The following CNTN4 variants were observed in gnomAD, a reference collection of about 807,000 sequenced individuals.
CNTN4 encodes contactin-4.
Under a neutral mutation model 122.5 loss-of-function variants are expected in CNTN4, and 77 were observed. The observed-to-expected ratio is 0.63, with a 90% CI of 0.52 to 0.76. The LOEUF is 0.76. CNTN4 is among the 30% of genes least tolerant of loss of function. The probability of loss-of-function intolerance (pLI) is 0.00; values close to 1 mark genes in which losing one functional copy is unlikely to be tolerated. For missense variants in CNTN4, 1,256 were observed against 1,259.1 expected, an observed-to-expected ratio of 1.00 and a Z score of 0.04; for synonymous variants, 512 against 447.0, an observed-to-expected ratio of 1.15 and a Z score of -1.83.
chr3:2,500,601 C>T (rs1241319236), intron 3 of CNTN4, among the ~76,000 whole-genome samples: 1 of 152,086 alleles, frequency 6.6e-6, no homozygotes, highest in Non-Finnish European at 1.5e-5. Flanking sequence ...TGGGTATCCA[C>T]TGGTACACTA....
At chr3:2,714,995 C>G (rs965947815) in intron 4 of CNTN4, among the ~76,000 whole-genome samples, 1 of 152,166 alleles carries the variant, frequency 6.6e-6, no homozygotes, top group African/African-American at 2.4e-5. Context: ...CTTTTAAGAT[C>G]TTTATCAACT....
intron 12 of CNTN4, among the ~76,000 whole-genome samples, chr3:2,921,777 T>C (rs1019718351): frequency 5.9e-5 from 9 of 152,216 alleles, no homozygotes; most frequent in African/African-American, 1.9e-4. Flanking sequence ...GTTAAGGAGC[T>C]ATCATTCTAC....
At chr3:2,682,489 C>A (rs2085214071) in intron 4 of CNTN4, among the ~76,000 whole-genome samples, 1 of 152,144 alleles carries the variant, frequency 6.6e-6, no homozygotes, top group African/African-American at 2.4e-5. Flanking sequence ...TTTATGGATT[C>A]TTTCTAAGGT....
intron 15 of CNTN4, 123 bp from the exon 16 acceptor site, chr3:3,030,732 G>C (rs1699092130): frequency 8.6e-7 from 1 of 1,164,138 alleles, no homozygotes; most frequent in Non-Finnish European, 1.3e-6. Context: ...GCCATGGTTT[G>C]CATCACTAAT....
At chr3:2,233,652 A>AC (rs1159951701) in intron 2 of CNTN4, among the ~76,000 whole-genome samples, 1 of 151,720 alleles carries the variant, frequency 6.6e-6, no homozygotes, top group Non-Finnish European at 1.5e-5. Flanking sequence ...CCACCCCCTC[A>AC]CCCCCAATTG....
chr3:2,599,705 A>T (rs1274083231), intron 4 of CNTN4, among the ~76,000 whole-genome samples: 1 of 152,190 alleles, frequency 6.6e-6, no homozygotes, highest in Non-Finnish European at 1.5e-5. Flanking sequence ...CCCTAGCTAA[A>T]CAGTCAGAGA....
At chr3:2,613,849 C>T (rs1457779844) in intron 4 of CNTN4, among the ~76,000 whole-genome samples, 2 of 152,084 alleles carry the variant, frequency 1.3e-5, no homozygotes, top group Non-Finnish European at 2.9e-5. Context: ...GGAAAATGAG[C>T]ATTGAGTTTC....
chr3:2,383,471 C>T (rs1474102967), intron 3 of CNTN4, among the ~76,000 whole-genome samples: 1 of 152,034 alleles, frequency 6.6e-6, no homozygotes, highest in Non-Finnish European at 1.5e-5. Flanking sequence ...TTTTCCATTT[C>T]ACGGTTGAGA....
chr3:3,006,448 C>A (rs536046783), intron 14 of CNTN4, among the ~76,000 whole-genome samples: 1 of 152,190 alleles, frequency 6.6e-6, no homozygotes, highest in South Asian at 2.1e-4. Flanking sequence ...CATAAATTGC[C>A]CCAACTAGAA....
At chr3:2,201,204 T>C (rs905654150) in intron 2 of CNTN4, among the ~76,000 whole-genome samples, 3 of 152,116 alleles carry the variant, frequency 2.0e-5, no homozygotes, top group South Asian at 2.1e-4. Context: ...CTCCAGAAAG[T>C]TGGACCTTAA....
intron 4 of CNTN4, among the ~76,000 whole-genome samples, chr3:2,665,765 C>A (rs755756662): frequency 3.3e-5 from 5 of 152,144 alleles, no homozygotes; most frequent in Non-Finnish European, 5.9e-5. Flanking sequence ...GGAATAATTT[C>A]ACACATTTTC....
At chr3:2,315,931 CAG>C (rs1159454883) in intron 2 of CNTN4, among the ~76,000 whole-genome samples, 1 of 151,972 alleles carries the variant, frequency 6.6e-6, no homozygotes, top group Non-Finnish European at 1.5e-5. Context: ...TGAATATTTT[CAG>C]AGTTTCTTAA....
chr3:2,204,752 C>T (rs2038263221), intron 2 of CNTN4, among the ~76,000 whole-genome samples: 1 of 152,030 alleles, frequency 6.6e-6, no homozygotes, highest in Non-Finnish European at 1.5e-5. Flanking sequence ...AAGGCCCCCC[C>T]ATGGGATAAA....
chr3:2,302,632 A>T (rs528792819), intron 2 of CNTN4, among the ~76,000 whole-genome samples: 1 of 152,322 alleles, frequency 6.6e-6, no homozygotes, highest in South Asian at 2.1e-4. Context: ...GATAGTAATA[A>T]TTAACTTCTA....
At chr3:2,382,272 C>A (rs1483684692) in intron 3 of CNTN4, among the ~76,000 whole-genome samples, 1 of 151,408 alleles carries the variant, frequency 6.6e-6, no homozygotes, top group Non-Finnish European at 1.5e-5. Context: ...CGGGTTCAAG[C>A]GATTCTCCTG....
intron 2 of CNTN4, among the ~76,000 whole-genome samples, chr3:2,175,206 A>G (rs1326155481): frequency 6.6e-6 from 1 of 152,168 alleles, no homozygotes; most frequent in African/African-American, 2.4e-5. Flanking sequence ...ATTTTAGGAA[A>G]CTTGCAAATG....
At position 2,806,523 on chromosome 3, in the gene CNTN4, A is replaced by G. The variant is rs550027837; in HGVS notation, c.359-12963A>G. Among the ~76,000 whole-genome samples, 6 of 152,320 alleles carry G rather than the reference A, an allele frequency of 3.9e-5. No homozygotes were observed. In the East Asian group the frequency reaches 1.2e-3, roughly 29 times the overall value. On this transcript the variant is annotated intron_variant, in intron 6 of 24. Transcript: ENST00000418658. ...TAACTATCCATCGCTGACACAGATG[A>G]TCACCATGCTAGTTTGTTCATTGTC...
chr3:2,347,894 G>A (rs565531104), intron 3 of CNTN4, among the ~76,000 whole-genome samples: 6 of 151,476 alleles, frequency 4.0e-5, no homozygotes, highest in African/African-American at 1.5e-4. Flanking sequence ...CATGGATTCA[G>A]TTCCTTTTTA....
chr3:2,627,595 G>A (rs1020857044), intron 4 of CNTN4, among the ~76,000 whole-genome samples: 9 of 151,418 alleles, frequency 5.9e-5, no homozygotes, highest in Non-Finnish European at 1.0e-4. Flanking sequence ...CTGGGTTCAG[G>A]CCATTCTCCT....
Sources: allele counts gnomAD v4.1 joint callset (sites outside exome capture counted in the v4.1 genomes callset), GRCh38; gene constraint gnomAD v4.1.1; transcripts MANE v1.5; gene names NCBI Gene and HGNC (gene_info 2026-07-23, HGNC 2026-07-21).